The following FAM20C variants were observed in gnomAD, a reference collection of about 807,000 sequenced individuals.
FAM20C encodes the protein FAM20C golgi associated secretory pathway kinase, also known as extracellular serine/threonine protein kinase FAM20C.
Under a neutral mutation model 51.5 loss-of-function variants are expected in FAM20C, and 40 were observed. That is an observed-to-expected ratio of 0.78 (90% confidence interval 0.60 to 1.01). The LOEUF (loss-of-function observed/expected upper bound fraction) is 1.01, where lower values mean the gene tolerates loss of function less well. FAM20C is among the 50% of genes least tolerant of loss of function. FAM20C has a pLI of 0.00. For missense variants in FAM20C, 861 were observed against 844.7 expected (o/e 1.02, Z -0.24); for synonymous variants, 406 against 380.6 (o/e 1.07, Z -0.78).
At chr7:257,178 C>A (rs1788621025) in intron 8 of FAM20C, 92 bp downstream of exon 8, 1 of 1,210,764 alleles carries the variant, frequency 8.3e-7, no homozygotes, top group Non-Finnish European at 1.2e-6. Context: ...ACGGGGGGAG[C>A]AGACCCTCCA....
intron 3 of FAM20C, 113 bp downstream of exon 3, chr7:209,089 T>G: frequency 9.5e-7 from 1 of 1,052,136 alleles, no homozygotes. Flanking sequence ...TTGGGGAGAC[T>G]GTGGGTGACC....
intron 1 of FAM20C, 197 bp downstream of exon 1, chr7:194,001 G>A (rs1302704120): frequency 2.3e-6 from 2 of 875,940 alleles, no homozygotes; most frequent in Non-Finnish European, 3.2e-6. Flanking sequence ...AGGGGCTGCC[G>A]GCTGGTCCGG....
At chr7:218,016 T>A (rs1787084942) in intron 3 of FAM20C, among the ~76,000 whole-genome samples, 2 of 152,122 alleles carry the variant, frequency 1.3e-5, no homozygotes, top group Non-Finnish European at 2.9e-5. Context: ...CCCGGGATGC[T>A]TTGTTAGCAG....
At chr7:202,580 T>G (rs1317392164) in intron 2 of FAM20C, among the ~76,000 whole-genome samples, 3 of 135,242 alleles carry the variant, frequency 2.2e-5, no homozygotes, top group Admixed American at 1.5e-4. Context: ...TGGGTGGGAT[T>G]GTACTGGGGA....
chr7:250,576 T>C (rs1788356908), intron 5 of FAM20C, among the ~76,000 whole-genome samples: 1 of 152,152 alleles, frequency 6.6e-6, no homozygotes, highest in Non-Finnish European at 1.5e-5. Context: ...TCCATCTTTT[T>C]TAAGGGGCTG....
chr7:217,301 C>G (rs944838019), intron 3 of FAM20C, among the ~76,000 whole-genome samples: 10 of 33,520 alleles, frequency 3.0e-4, no homozygotes, highest in African/African-American at 1.0e-3. Context: ...CGAGGCTTGC[C>G]CAGGCCCCTC....
intron 3 of FAM20C, among the ~76,000 whole-genome samples, chr7:243,925 T>TATTTTTTTAGA (rs1788037312): frequency 8.1e-6 from 1 of 123,174 alleles, no homozygotes; most frequent in Non-Finnish European, 1.8e-5. Flanking sequence ...AAGAAAATAA[T>TATTTTTTTAGA]AATAATAATA....
intron 2 of FAM20C, chr7:197,317 T>C (rs1785924016): frequency 6.0e-6 from 1 of 166,706 alleles, no homozygotes; most frequent in Admixed American, 6.6e-5. Context: ...AGCCAGGCCG[T>C]GTGGAGAGGA....
intron 3 of FAM20C, among the ~76,000 whole-genome samples, chr7:245,393 G>C (rs1407490908): frequency 6.6e-6 from 1 of 152,042 alleles, no homozygotes; most frequent in East Asian, 1.9e-4. Context: ...GCCTGGCATG[G>C]GAGGACATCC....
chr7:237,541 G>C (rs961028344), intron 3 of FAM20C, among the ~76,000 whole-genome samples: 2 of 152,062 alleles, frequency 1.3e-5, no homozygotes, highest in Non-Finnish European at 2.9e-5. Context: ...AAATGATGAC[G>C]GTTACGTTGG....
In FAM20C at chr7:242,805, G is replaced by T. The variant is rs138225235; in HGVS notation, c.864-3610G>T. Among the ~76,000 whole-genome samples the T allele has an allele frequency of 4.6e-3, 706 of 152,316 alleles. 10 individuals are homozygous for T. Among genetic ancestry groups the T allele is most frequent in the African/African-American group, 0.016 (669 of 41,566 alleles). Reference sequence around the variant, plus strand: ...TCACGTCCATCACAGAGGAAGCACCGATGGACAGGCCAGGCTGGGGGTGAG... The same window carrying T: ...TCACGTCCATCACAGAGGAAGCACCTATGGACAGGCCAGGCTGGGGGTGAG... On this transcript the variant is annotated intron_variant, in intron 3 of 9. Transcript: ENST00000313766.
chr7:244,166 C>T (rs928425925), intron 3 of FAM20C, among the ~76,000 whole-genome samples: 1 of 152,016 alleles, frequency 6.6e-6, no homozygotes, highest in African/African-American at 2.4e-5. Flanking sequence ...AACTCCTGGA[C>T]TCATGCTGGG....
chr7:259,997 C>A lies in FAM20C; in HGVS notation c.*17C>A. The A allele has an allele frequency of 6.7e-7, 1 of 1,498,070 alleles. No individual in the cohort carries two copies. The highest frequency in any genetic ancestry group is 8.9e-7 in the Non-Finnish European group (1 of 1,120,686). 92.8% of individuals were successfully genotyped at this position (1,498,070 alleles called of 1,614,324 possible). A position where few individuals can be genotyped will look rare whatever the true frequency, so the allele number is the denominator to read the frequency against. Reference sequence around the variant, plus strand: ...GCGAGGTAGTGTCCGCCGGCCGCTGCGCTGCCCGGGACGGAGACAGAGGCG... The same window carrying A: ...GCGAGGTAGTGTCCGCCGGCCGCTGAGCTGCCCGGGACGGAGACAGAGGCG... On this transcript the variant is annotated 3_prime_UTR_variant, in exon 10 of 10. Coordinates refer to ENST00000313766, the MANE Select transcript of FAM20C (RefSeq NM_020223.4).
chr7:256,953 C>G, intron 7 of FAM20C, 52 bp from the exon 8 acceptor site: 2 of 1,525,648 alleles, frequency 1.3e-6, no homozygotes, highest in Middle Eastern at 1.7e-4. Context: ...GGCCTCTGAG[C>G]TACGTGGCCC....
intron 9 of FAM20C, 73 bp from the exon 10 acceptor site, chr7:259,658 A>T: frequency 6.7e-6 from 9 of 1,333,600 alleles, no homozygotes; most frequent in Non-Finnish European, 7.6e-6. Context: ...TCTCCCTCTC[A>T]CTTTCTCTCG....
At chr7:206,335 G>C (rs1786377609) in intron 2 of FAM20C, among the ~76,000 whole-genome samples, 1 of 152,202 alleles carries the variant, frequency 6.6e-6, no homozygotes, top group African/African-American at 2.4e-5. Context: ...CAGCAGCCAG[G>C]GACAATCTGT....
intron 3 of FAM20C, among the ~76,000 whole-genome samples, chr7:235,672 A>T (rs1367014966): frequency 6.6e-6 from 1 of 152,078 alleles, no homozygotes. Flanking sequence ...GCGGCCTTGG[A>T]GTTGCTGGAG....
chr7:222,884 C>CGT (rs200270215), intron 3 of FAM20C, among the ~76,000 whole-genome samples: 1 of 151,830 alleles, frequency 6.6e-6, no homozygotes, highest in Non-Finnish European at 1.5e-5. Flanking sequence ...GCGTGTGTGA[C>CGT]GTGTACATGT....
chr7:244,413 T>A (rs1207278285), intron 3 of FAM20C, among the ~76,000 whole-genome samples: 1 of 152,260 alleles, frequency 6.6e-6, no homozygotes. Flanking sequence ...GCGGGCTGAC[T>A]GCAGCGGACC....
Sources: allele counts gnomAD v4.1 joint callset (sites outside exome capture counted in the v4.1 genomes callset), GRCh38; gene constraint gnomAD v4.1.1; transcripts MANE v1.5; gene names NCBI Gene and HGNC (gene_info 2026-07-23, HGNC 2026-07-21).